Variants in HOMER2 observed in about 807,000 individuals in gnomAD.
HOMER2 encodes homer protein homolog 2.
In HOMER2, 27 loss-of-function variants were observed where a neutral mutation model predicts 47.0. The observed-to-expected ratio is 0.57, with a 90% confidence interval of 0.42 to 0.79. The LOEUF (loss-of-function observed/expected upper bound fraction) is 0.79, where lower values mean the gene tolerates loss of function less well. HOMER2 is among the 30% of genes least tolerant of loss of function. The pLI, the probability that HOMER2 is intolerant of heterozygous loss-of-function variation, is 0.00. For missense variants in HOMER2, 443 were observed against 435.0 expected (o/e 1.02, Z -0.16); for synonymous variants, 161 against 163.8 (o/e 0.98, Z 0.13).
chr15:82,868,541 ATTTTTTTTT>A (rs10678643), intron 3 of HOMER2, among the ~76,000 whole-genome samples: 1 of 71,290 alleles, frequency 1.4e-5, no homozygotes, highest in African/African-American at 5.0e-5. Flanking sequence ...ATATATATAT[ATTTTTTTTT>A]TTTTTTTTCC....
chr15:82,879,780 C>G (rs956808186), intron 2 of HOMER2, among the ~76,000 whole-genome samples: 2 of 152,072 alleles, frequency 1.3e-5, no homozygotes, highest in East Asian at 3.9e-4. Flanking sequence ...TTGATTTTTC[C>G]TTTCACAAAA....
At chr15:82,876,439 G>A (rs1331886431) in intron 2 of HOMER2, among the ~76,000 whole-genome samples, 1 of 152,186 alleles carries the variant, frequency 6.6e-6, no homozygotes, top group Non-Finnish European at 1.5e-5. Flanking sequence ...AAGTAGTCAG[G>A]AAGAGGGCAA....
At chr15:82,951,597 C>G (rs139056680) in intron 1 of HOMER2, among the ~76,000 whole-genome samples, 97 of 152,364 alleles carry the variant, frequency 6.4e-4, no homozygotes, top group African/African-American at 2.3e-3. Flanking sequence ...ATGCTGGGTT[C>G]AGCAGCAGGG....
chr15:82,882,514 T>G lies in HOMER2; in HGVS notation c.163-7110A>C, dbSNP rs140030306. Reference sequence around the variant, plus strand: ...AACACACTGAAGTTTTCCCACCCACTCATGTCTTTAGACAACAGCTGGAAC... The same window carrying G: ...AACACACTGAAGTTTTCCCACCCACGCATGTCTTTAGACAACAGCTGGAAC... On this transcript the variant is annotated intron_variant, in intron 2 of 8. Transcript: ENST00000450735. Among the ~76,000 whole-genome samples the G allele has an allele frequency of 3.2e-3, 483 of 152,294 alleles. 1 individual carries two copies. Among genetic ancestry groups the G allele is most frequent in the Non-Finnish European group, 4.7e-3 (317 of 68,022 alleles).
intron 1 of HOMER2, among the ~76,000 whole-genome samples, chr15:82,943,374 A>T (rs1158522744): frequency 6.6e-6 from 1 of 152,180 alleles, no homozygotes; most frequent in Non-Finnish European, 1.5e-5. Context: ...AGCTGAGTCT[A>T]CGCTCAGTCC....
intron 1 of HOMER2, among the ~76,000 whole-genome samples, chr15:82,901,421 T>C (rs2053114117): frequency 6.6e-6 from 1 of 152,074 alleles, no homozygotes. Flanking sequence ...AAAATAAAAC[T>C]CACTAGCAAC....
At chr15:82,905,875 G>A (rs1567045615) in intron 1 of HOMER2, among the ~76,000 whole-genome samples, 1 of 152,172 alleles carries the variant, frequency 6.6e-6, no homozygotes. Context: ...TAAAAAAAGA[G>A]CATCAGAGAA....
At chr15:82,893,199 G>C (rs1039348483) in intron 1 of HOMER2, among the ~76,000 whole-genome samples, 3 of 152,142 alleles carry the variant, frequency 2.0e-5, no homozygotes, top group Non-Finnish European at 1.5e-5. Flanking sequence ...TCACTTTTTA[G>C]AATTTTTGTG....
At chr15:82,976,146 G>A (rs528366529) in intron 1 of HOMER2, among the ~76,000 whole-genome samples, 5 of 152,060 alleles carry the variant, frequency 3.3e-5, no homozygotes, top group Non-Finnish European at 7.3e-5. Context: ...GTATATGCTT[G>A]TTGCAGAATC....
intron 2 of HOMER2, among the ~76,000 whole-genome samples, chr15:82,892,310 A>C (rs529113056): frequency 2.6e-5 from 4 of 152,292 alleles, no homozygotes; most frequent in Non-Finnish European, 4.4e-5. Context: ...TATTCTAGGA[A>C]TCTATCCTAA....
At chr15:82,855,970 T>C (rs2051571988) in intron 5 of HOMER2, among the ~76,000 whole-genome samples, 1 of 152,178 alleles carries the variant, frequency 6.6e-6, no homozygotes, top group Non-Finnish European at 1.5e-5. Flanking sequence ...ATGGGGAGGT[T>C]TCCGCCTGGC....
At chr15:82,978,429 A>C (rs1368396620) in intron 1 of HOMER2, among the ~76,000 whole-genome samples, 2 of 152,186 alleles carry the variant, frequency 1.3e-5, no homozygotes, top group Non-Finnish European at 2.9e-5. Flanking sequence ...ATGATTATGG[A>C]AGCTCACCTG....
At chr15:82,904,781 C>T (rs778586718) in intron 1 of HOMER2, among the ~76,000 whole-genome samples, 3 of 152,076 alleles carry the variant, frequency 2.0e-5, no homozygotes, top group Non-Finnish European at 2.9e-5. Flanking sequence ...GGAATGCTTC[C>T]CCTCCCCCGG....
chr15:82,882,696 C>T (rs1428867156), intron 2 of HOMER2, among the ~76,000 whole-genome samples: 1 of 152,164 alleles, frequency 6.6e-6, no homozygotes, highest in Non-Finnish European at 1.5e-5. Flanking sequence ...TAGAGCGTGA[C>T]ACATGCTTGG....
intron 1 of HOMER2, among the ~76,000 whole-genome samples, chr15:82,901,267 G>A (rs1217296937): frequency 6.6e-6 from 1 of 152,160 alleles, no homozygotes; most frequent in Non-Finnish European, 1.5e-5. Flanking sequence ...GAGTTGTGGA[G>A]AAGCAAAGCT....
rs562143998 is a variant in HOMER2, at chr15:82,973,864, A to C, written n.82+11923T>G. On this transcript the variant is annotated intron_variant and non_coding_transcript_variant, in intron 1 of 1. Coordinates refer to the HOMER2 transcript ENST00000500334. ...GCGGATCACATGAGGCCAGAAGTTC[A>C]AGACCAGCGTGGTCAACATGCTGAA... 3.3e-5 allele frequency among the ~76,000 whole-genome samples: 5 copies of C among 151,776 alleles called. No individual in the cohort carries two copies. In the East Asian group the frequency reaches 9.7e-4, roughly 30 times the overall value.
At chr15:82,905,056 A>G (rs893585897) in intron 1 of HOMER2, among the ~76,000 whole-genome samples, 29 of 152,294 alleles carry the variant, frequency 1.9e-4, no homozygotes, top group African/African-American at 6.7e-4. Context: ...ACAGATGGAT[A>G]ATGTAAGGAG....
At chr15:82,977,107 A>C (rs1048749022) in intron 1 of HOMER2, among the ~76,000 whole-genome samples, 3 of 152,176 alleles carry the variant, frequency 2.0e-5, no homozygotes, top group Non-Finnish European at 2.9e-5. Flanking sequence ...GAACACAAAT[A>C]TTACATAAAT....
At chr15:82,893,074 T>C (rs909952548) in intron 1 of HOMER2, among the ~76,000 whole-genome samples, 4 of 152,146 alleles carry the variant, frequency 2.6e-5, no homozygotes, top group Admixed American at 2.0e-4. Context: ...GGGCAATTGG[T>C]GTAATGAACA....
Sources: allele counts gnomAD v4.1 joint callset (sites outside exome capture counted in the v4.1 genomes callset), GRCh38; gene constraint gnomAD v4.1.1; transcripts MANE v1.5; gene names NCBI Gene and HGNC (gene_info 2026-07-23, HGNC 2026-07-21).